PTPRN2: variants seen among roughly 807,000 people sequenced by gnomAD.
PTPRN2 encodes receptor-type tyrosine-protein phosphatase N2.
In PTPRN2, 74 loss-of-function variants were observed where a neutral mutation model predicts 118.8. That is an observed-to-expected ratio of 0.62 (90% CI 0.52 to 0.76). The LOEUF is 0.76. PTPRN2 is among the 30% of genes least tolerant of loss of function. The pLI is 0.00. For missense variants in PTPRN2, 1,481 were observed against 1,394.4 expected, an observed-to-expected ratio of 1.06 and a Z score of -0.99; for synonymous variants, 641 against 608.0, an observed-to-expected ratio of 1.05 and a Z score of -0.80.
chr7:158,141,089 C>T (rs1045819943), intron 6 of PTPRN2, among the ~76,000 whole-genome samples: 12 of 152,136 alleles, frequency 7.9e-5, no homozygotes, highest in African/African-American at 2.9e-4. Context: ...AGGGGTCTCA[C>T]CACGACCCTC....
intron 3 of PTPRN2, among the ~76,000 whole-genome samples, chr7:158,268,093 C>A (rs1009377444): frequency 7.9e-5 from 12 of 152,220 alleles, no homozygotes; most frequent in Admixed American, 7.8e-4. Flanking sequence ...TCCTCAGCAC[C>A]GTCAACAAGT....
intron 6 of PTPRN2, among the ~76,000 whole-genome samples, chr7:158,148,468 C>G (rs1820442025): frequency 7.2e-6 from 1 of 138,416 alleles, no homozygotes; most frequent in Non-Finnish European, 1.6e-5. Context: ...ACGTCTTTCC[C>G]CCTCAATGAC....
chr7:157,993,857 A>G (rs889996978), intron 11 of PTPRN2, among the ~76,000 whole-genome samples: 1 of 151,996 alleles, frequency 6.6e-6, no homozygotes, highest in Non-Finnish European at 1.5e-5. Context: ...TCTCTCCCTA[A>G]AATGCCAATG....
chr7:157,640,989 G>A (rs1006659283), intron 14 of PTPRN2, among the ~76,000 whole-genome samples: 3 of 152,198 alleles, frequency 2.0e-5, no homozygotes, highest in African/African-American at 7.2e-5. Flanking sequence ...CTCATAAAAT[G>A]AGAGTCGGTC....
At chr7:158,309,772 A>C (rs191881200) in intron 3 of PTPRN2, among the ~76,000 whole-genome samples, 24 of 152,352 alleles carry the variant, frequency 1.6e-4, no homozygotes, top group African/African-American at 5.5e-4. Context: ...GAGATACACT[A>C]TGGTCATAGA....
chr7:158,017,025 G>GA (rs1162431391), intron 11 of PTPRN2, among the ~76,000 whole-genome samples: 1 of 151,954 alleles, frequency 6.6e-6, no homozygotes, highest in Non-Finnish European at 1.5e-5. Flanking sequence ...ATTTTAAAGA[G>GA]AAAAAAAGTG....
chr7:158,418,097 A>C (rs1033627598), intron 2 of PTPRN2, among the ~76,000 whole-genome samples: 2 of 145,426 alleles, frequency 1.4e-5, no homozygotes, highest in African/African-American at 5.2e-5. Context: ...CACTGTGTTA[A>C]GTCACGGTGT....
intron 1 of PTPRN2, among the ~76,000 whole-genome samples, chr7:158,566,798 C>G (rs1827698099): frequency 6.6e-6 from 1 of 152,158 alleles, no homozygotes; most frequent in Non-Finnish European, 1.5e-5. Flanking sequence ...TCACTGCAAC[C>G]TCTACCTCCT....
chr7:158,282,266 G>C (rs113700816), intron 3 of PTPRN2, among the ~76,000 whole-genome samples: 155 of 151,340 alleles, frequency 1.0e-3, no homozygotes, highest in African/African-American at 3.6e-3. Flanking sequence ...TTGAGTAACT[G>C]GTCTTTTCCG....
At chr7:157,547,569 G>A (rs989573157) in intron 22 of PTPRN2, among the ~76,000 whole-genome samples, 2 of 151,986 alleles carry the variant, frequency 1.3e-5, no homozygotes, top group East Asian at 1.9e-4. Context: ...CTCCTCTCTC[G>A]ACAGCCTCGC....
chr7:158,298,778 T>C (rs1800671762), intron 3 of PTPRN2, among the ~76,000 whole-genome samples: 1 of 152,158 alleles, frequency 6.6e-6, no homozygotes, highest in Non-Finnish European at 1.5e-5. Context: ...GGGTTGCCTG[T>C]CCTCTCTCCT....
chr7:158,482,881 G>A (rs539319441), intron 2 of PTPRN2, among the ~76,000 whole-genome samples: 3 of 152,230 alleles, frequency 2.0e-5, no homozygotes, highest in East Asian at 1.9e-4. Flanking sequence ...GGTGGCCCTC[G>A]AGAAAACGGC....
At chr7:158,071,535 A>G (rs201116027) in intron 11 of PTPRN2, among the ~76,000 whole-genome samples, 16,040 of 51,484 alleles carry the variant, frequency 0.31, 583 homozygotes, top group South Asian at 0.4. Flanking sequence ...GATGCTCGTG[A>G]TGATGGAGGT....
chr7:157,593,991 A>G (rs1801143659), intron 17 of PTPRN2, among the ~76,000 whole-genome samples: 1 of 152,238 alleles, frequency 6.6e-6, no homozygotes, highest in Non-Finnish European at 1.5e-5. Flanking sequence ...GCAGGAGGTC[A>G]TACCGATGTG....
At chr7:157,976,365 C>A (rs1387099404) in intron 11 of PTPRN2, among the ~76,000 whole-genome samples, 1 of 152,196 alleles carries the variant, frequency 6.6e-6, no homozygotes, top group South Asian at 2.1e-4. Flanking sequence ...CTGCTCCTAG[C>A]ACCGGCTGGC....
At chr7:157,979,519 A>G (rs1802979176) in intron 11 of PTPRN2, among the ~76,000 whole-genome samples, 1 of 152,218 alleles carries the variant, frequency 6.6e-6, no homozygotes, top group African/African-American at 2.4e-5. Context: ...ATCACATTTA[A>G]CACATGACAG....
rs6956722 is a variant in PTPRN2, at chr7:158,334,387, C to A, written c.164-17455G>T. Among the ~76,000 whole-genome samples, 7 of 46,390 alleles carry A rather than the reference C, an allele frequency of 1.5e-4. 1 individual carries two copies. Among genetic ancestry groups the A allele is most frequent in the East Asian group, 5.4e-4 (1 of 1,858 alleles). 30.4% of individuals were successfully genotyped at this position (46,390 alleles called of 152,430 possible). ...CTGACGCCCGCAGATGTCACTCACA[C>A]CCACACTCTCACCATAAGAGGTGAA... On this transcript the variant is annotated intron_variant, in intron 2 of 22. Coordinates refer to ENST00000389418, the MANE Select transcript of PTPRN2 (RefSeq NM_002847.5).
At chr7:158,421,222 G>A (rs1200115942) in intron 2 of PTPRN2, among the ~76,000 whole-genome samples, 3 of 152,150 alleles carry the variant, frequency 2.0e-5, no homozygotes, top group African/African-American at 7.2e-5. Context: ...ACAGCTCTCA[G>A]GCCTTTGGTT....
intron 1 of PTPRN2, among the ~76,000 whole-genome samples, chr7:158,513,560 T>G (rs1823324154): frequency 6.6e-6 from 1 of 152,224 alleles, no homozygotes; most frequent in African/African-American, 2.4e-5. Flanking sequence ...ATATGAGAAC[T>G]CTCTGTTCTA....
Sources: gnomAD v4.1 joint callset for allele counts (sites outside exome capture counted in the v4.1 genomes callset) on GRCh38, gnomAD v4.1.1 for gene constraint, MANE v1.5 for transcripts, NCBI Gene and HGNC (gene_info 2026-07-23, HGNC 2026-07-21) for gene names.